The following NFIB variants were observed in gnomAD, a reference collection of about 807,000 sequenced individuals.
NFIB encodes nuclear factor I B.
NFIB carries 11 observed loss-of-function variants against 61.5 expected under a neutral mutation model. The ratio of observed to expected loss-of-function variants is 0.18; its 90% CI spans 0.11 to 0.30. NFIB has a LOEUF of 0.30. Among genes scored for constraint, NFIB ranks in the 10% least tolerant of loss-of-function variants. NFIB has a pLI of 1.00. For synonymous variants in NFIB, 260 were observed against 216.5 expected, an observed-to-expected ratio of 1.20 and a Z score of -1.76; for missense variants, 471 against 608.9, an observed-to-expected ratio of 0.77 and a Z score of 2.38.
intron 2 of NFIB, among the ~76,000 whole-genome samples, chr9:14,291,800 G>GT (rs1241673114): frequency 1.5e-5 from 2 of 136,240 alleles, no homozygotes; most frequent in East Asian, 4.5e-4. Flanking sequence ...CTGACTTTCA[G>GT]TTAAAAAAAA....
chr9:14,276,351 A>C (rs936901054), intron 2 of NFIB, among the ~76,000 whole-genome samples: 21 of 152,228 alleles, frequency 1.4e-4, no homozygotes, highest in African/African-American at 4.1e-4. Context: ...TTTAAACAAA[A>C]GATAAAGGTG....
intron 2 of NFIB, among the ~76,000 whole-genome samples, chr9:14,231,120 G>GAAAAA (rs1188458970): frequency 1.0e-3 from 66 of 65,778 alleles, no homozygotes; most frequent in African/African-American, 3.6e-3. Flanking sequence ...TTTCCATGGG[G>GAAAAA]AAAAAAAAAA....
intron 2 of NFIB, among the ~76,000 whole-genome samples, chr9:14,202,190 T>C (rs544453723): frequency 1.3e-5 from 2 of 151,730 alleles, no homozygotes; most frequent in East Asian, 3.9e-4. Context: ...GACAAACTTT[T>C]TCATTTAATT....
the NFIB span, among the ~76,000 whole-genome samples, chr9:14,420,025 T>C: frequency 1.2e-4 from 18 of 152,158 alleles, no homozygotes; most frequent in South Asian, 2.1e-4. Flanking sequence ...GGACCTGATA[T>C]ACATGCTGCT....
chr9:14,495,469 G>C, the NFIB span, among the ~76,000 whole-genome samples: 2 of 47,502 alleles, frequency 4.2e-5, no homozygotes, highest in African/African-American at 2.9e-4. Flanking sequence ...TTTTTTGTCT[G>C]AGAGACAGAG....
the NFIB span, among the ~76,000 whole-genome samples, chr9:14,449,810 T>G: frequency 6.6e-6 from 1 of 152,050 alleles, no homozygotes; most frequent in Non-Finnish European, 1.5e-5. Flanking sequence ...GGTGCATGCC[T>G]GCAGTCCCAA....
At chr9:14,141,668 AC>A (rs2041717610) in intron 6 of NFIB, among the ~76,000 whole-genome samples, 1 of 152,148 alleles carries the variant, frequency 6.6e-6, no homozygotes, top group South Asian at 2.1e-4. Flanking sequence ...TGTTCATTGA[AC>A]CAAATTATCT....
intron 10 of NFIB, among the ~76,000 whole-genome samples, chr9:14,109,640 A>T (rs12352897): frequency 1.3e-5 from 2 of 152,100 alleles, no homozygotes; most frequent in African/African-American, 4.8e-5. Flanking sequence ...CCAAAGACAG[A>T]CTAGTTCTAG....
chr9:14,123,282 T>A (rs982594652), intron 7 of NFIB, among the ~76,000 whole-genome samples: 2 of 149,904 alleles, frequency 1.3e-5, no homozygotes, highest in Non-Finnish European at 3.0e-5. Context: ...GAAAAAAAAA[T>A]AAGAAAAGTA....
chr9:14,443,557 T>C, the NFIB span, among the ~76,000 whole-genome samples: 1 of 152,184 alleles, frequency 6.6e-6, no homozygotes, highest in Admixed American at 6.5e-5. Flanking sequence ...TTCTAAGCCA[T>C]GCTTCTCCAT....
chr9:14,476,680 G>C, the NFIB span, among the ~76,000 whole-genome samples: 5 of 152,020 alleles, frequency 3.3e-5, no homozygotes, highest in South Asian at 2.1e-4. Flanking sequence ...TACAAACATT[G>C]AGAAGTTAAG....
intron 1 of NFIB, chr9:14,358,047 T>G (rs1283965192): frequency 6.6e-6 from 1 of 152,148 alleles, no homozygotes; most frequent in African/African-American, 2.4e-5. Context: ...TTAGGTTGAT[T>G]AAATGTTGTA....
At chr9:14,385,413 G>A (rs369040469) in intron 1 of NFIB, among the ~76,000 whole-genome samples, 2 of 152,102 alleles carry the variant, frequency 1.3e-5, no homozygotes, top group African/African-American at 2.4e-5. Context: ...CATACAGAGG[G>A]GGTTGGGAGG....
intron 1 of NFIB, among the ~76,000 whole-genome samples, chr9:14,385,032 A>T (rs2061532770): frequency 6.6e-6 from 1 of 152,256 alleles, no homozygotes; most frequent in Non-Finnish European, 1.5e-5. Flanking sequence ...GTCTGTATCA[A>T]ATATGAGGCA....
the NFIB span, among the ~76,000 whole-genome samples, chr9:14,412,950 C>T: frequency 6.6e-6 from 1 of 152,258 alleles, no homozygotes; most frequent in African/African-American, 2.4e-5. Context: ...AGGGCTCAGC[C>T]CTGCCCACTC....
the NFIB span, among the ~76,000 whole-genome samples, chr9:14,441,863 C>G: frequency 6.6e-6 from 1 of 152,164 alleles, no homozygotes; most frequent in Non-Finnish European, 1.5e-5. Context: ...AGTACACTTA[C>G]GAGAGGCAAC....
the NFIB span, among the ~76,000 whole-genome samples, chr9:14,525,274 A>T: frequency 6.6e-6 from 1 of 152,190 alleles, no homozygotes; most frequent in Non-Finnish European, 1.5e-5. Flanking sequence ...CATGGTCACC[A>T]ATAATTAGTT....
chr9:14,521,782 GT>G, the NFIB span, among the ~76,000 whole-genome samples: 1 of 152,222 alleles, frequency 6.6e-6, no homozygotes, highest in African/African-American at 2.4e-5. Flanking sequence ...AATGATGCCT[GT>G]TTGCCCAGAG....
intron 10 of NFIB, among the ~76,000 whole-genome samples, chr9:14,105,340 C>G (rs114329330): frequency 0.011 from 1,651 of 152,034 alleles, 24 homozygotes; most frequent in African/African-American, 0.038. Flanking sequence ...AATTTAATGC[C>G]AAATAAATTG....
Sources: gnomAD v4.1 joint callset for allele counts (sites outside exome capture counted in the v4.1 genomes callset) on GRCh38, gnomAD v4.1.1 for gene constraint, MANE v1.5 for transcripts, NCBI Gene and HGNC (gene_info 2026-07-23, HGNC 2026-07-21) for gene names.